The following BRINP3 variants were observed in gnomAD, a reference collection of about 807,000 sequenced individuals.
The protein encoded by BRINP3 is BMP/retinoic acid-inducible neural-specific protein 3.
In BRINP3, 19 loss-of-function variants were observed where a neutral mutation model predicts 71.0. The ratio of observed to expected loss-of-function variants is 0.27; its 90% CI spans 0.19 to 0.39. BRINP3 has a LOEUF of 0.39. Ranked by LOEUF, BRINP3 falls within the 10% of genes least tolerant of loss-of-function variation. The probability of loss-of-function intolerance (pLI) is 1.00; values close to 1 mark genes in which losing one functional copy is unlikely to be tolerated. For synonymous variants in BRINP3, 380 were observed against 337.7 expected, an observed-to-expected ratio of 1.13 and a Z score of -1.37; for missense variants, 959 against 940.8, an observed-to-expected ratio of 1.02 and a Z score of -0.25.
chr1:190,302,864 T>G (rs1207490613), intron 2 of BRINP3: 2 of 151,886 alleles, frequency 1.3e-5, no homozygotes, highest in Non-Finnish European at 2.9e-5. Context: ...TTAGCTTCTG[T>G]CTAGTGAATA....
At chr1:190,107,782 A>T (rs539030082) in intron 7 of BRINP3, among the ~76,000 whole-genome samples, 1 of 152,132 alleles carries the variant, frequency 6.6e-6, no homozygotes, top group East Asian at 1.9e-4. Context: ...ATTGACCTCG[A>T]CTTATGTTGG....
chr1:190,436,756 C>T (rs1231125223), intron 2 of BRINP3, among the ~76,000 whole-genome samples: 1 of 151,628 alleles, frequency 6.6e-6, no homozygotes, highest in Non-Finnish European at 1.5e-5. Context: ...ACTCAATTGA[C>T]CATAGCTGAA....
At chr1:190,119,527 C>T (rs530055950) in intron 7 of BRINP3, among the ~76,000 whole-genome samples, 2 of 152,226 alleles carry the variant, frequency 1.3e-5, no homozygotes, top group Admixed American at 6.5e-5. Flanking sequence ...CCCTCTTCAG[C>T]CTCCCAAAGT....
At chr1:190,435,186 C>A (rs572863896) in intron 2 of BRINP3, among the ~76,000 whole-genome samples, 1 of 152,106 alleles carries the variant, frequency 6.6e-6, no homozygotes, top group African/African-American at 2.4e-5. Flanking sequence ...ATTAACACAG[C>A]CATTTTAAAT....
intron 2 of BRINP3, among the ~76,000 whole-genome samples, chr1:190,334,522 G>T (rs1455835811): frequency 1.3e-5 from 2 of 151,484 alleles, no homozygotes; most frequent in African/African-American, 4.8e-5. Context: ...CTTATTTGAG[G>T]TGCATGACTC....
chr1:190,325,631 T>A (rs1450988538), intron 2 of BRINP3, among the ~76,000 whole-genome samples: 2 of 152,108 alleles, frequency 1.3e-5, no homozygotes, highest in East Asian at 1.9e-4. Context: ...TAAGGTTGTC[T>A]TGAGTTACTT....
intron 7 of BRINP3, among the ~76,000 whole-genome samples, chr1:190,113,314 TC>T (rs1450700012): frequency 6.6e-6 from 1 of 152,154 alleles, no homozygotes; most frequent in African/African-American, 2.4e-5. Context: ...CTCCTGCTGC[TC>T]CTCCTTCTTC....
intron 7 of BRINP3, among the ~76,000 whole-genome samples, chr1:190,139,141 G>C (rs371079832): frequency 1.3e-5 from 2 of 150,634 alleles, no homozygotes. Context: ...TCAGAAGACC[G>C]CATCATAGAA....
intron 2 of BRINP3, among the ~76,000 whole-genome samples, chr1:190,414,505 G>A (rs1310146133): frequency 6.6e-6 from 1 of 152,146 alleles, no homozygotes; most frequent in Non-Finnish European, 1.5e-5. Context: ...GGAAACAACT[G>A]TTTTCTGTCT....
chr1:190,365,215 C>A (rs1220715611), intron 2 of BRINP3, among the ~76,000 whole-genome samples: 1 of 152,000 alleles, frequency 6.6e-6, no homozygotes, highest in African/African-American at 2.4e-5. Flanking sequence ...GACCACAGCA[C>A]AACAGAAACT....
At chr1:190,418,328 G>A (rs1489889131) in intron 2 of BRINP3, among the ~76,000 whole-genome samples, 1 of 152,068 alleles carries the variant, frequency 6.6e-6, no homozygotes, top group Non-Finnish European at 1.5e-5. Flanking sequence ...TGGGACTACA[G>A]GTATGAGCCA....
intron 7 of BRINP3, among the ~76,000 whole-genome samples, chr1:190,159,247 G>A (rs1246635502): frequency 6.6e-6 from 1 of 152,062 alleles, no homozygotes; most frequent in African/African-American, 2.4e-5. Flanking sequence ...TGGAGAGATT[G>A]GAGTTGTCAT....
intron 6 of BRINP3, among the ~76,000 whole-genome samples, chr1:190,180,055 A>C (rs1461153213): frequency 6.6e-6 from 1 of 152,118 alleles, no homozygotes; most frequent in Admixed American, 6.6e-5. Context: ...GTGTCATAAG[A>C]AGGGTTGATG....
At chr1:190,312,557 T>C (rs1453791332) in intron 2 of BRINP3, among the ~76,000 whole-genome samples, 3 of 151,630 alleles carry the variant, frequency 2.0e-5, no homozygotes, top group Non-Finnish European at 4.4e-5. Context: ...TGCCTCAAAA[T>C]AGGAAATGAA....
chr1:190,255,178 T>G (rs1660542831), intron 4 of BRINP3, among the ~76,000 whole-genome samples: 1 of 152,052 alleles, frequency 6.6e-6, no homozygotes, highest in African/African-American at 2.4e-5. Flanking sequence ...GGTTTGCCAG[T>G]ATTTCGTTGA....
chr1:190,174,717 T>C (rs1482315720), intron 6 of BRINP3, among the ~76,000 whole-genome samples: 2 of 152,140 alleles, frequency 1.3e-5, no homozygotes, highest in Non-Finnish European at 2.9e-5. Flanking sequence ...AAGAGTTTAA[T>C]ATGTAATGTT....
intron 7 of BRINP3, among the ~76,000 whole-genome samples, chr1:190,146,582 A>T (rs1294463591): frequency 6.6e-6 from 1 of 152,114 alleles, no homozygotes; most frequent in African/African-American, 2.4e-5. Flanking sequence ...ACACATATAA[A>T]AGAGATTCAT....
chr1:190,425,472 T>C (rs547208090), intron 2 of BRINP3, among the ~76,000 whole-genome samples: 2 of 151,846 alleles, frequency 1.3e-5, no homozygotes, highest in South Asian at 4.1e-4. Context: ...ATTTCAACAA[T>C]GGAGAAAGCT....
chr1:190,105,733 T>A (rs1471654023), intron 7 of BRINP3, among the ~76,000 whole-genome samples: 1 of 151,996 alleles, frequency 6.6e-6, no homozygotes, highest in Non-Finnish European at 1.5e-5. Flanking sequence ...CACAGAAAAA[T>A]GTGCTTACTT....
Sources: allele counts gnomAD v4.1 joint callset (sites outside exome capture counted in the v4.1 genomes callset), GRCh38; gene constraint gnomAD v4.1.1; transcripts MANE v1.5; gene names NCBI Gene and HGNC (gene_info 2026-07-23, HGNC 2026-07-21).